KIAA1217: variants seen among roughly 807,000 people sequenced by gnomAD.
KIAA1217 encodes the protein KIAA1217, also known as sickle tail protein homolog.
A neutral mutation model predicts 163.9 loss-of-function variants in KIAA1217; 88 were observed. That is an observed-to-expected ratio of 0.54 (90% CI 0.45 to 0.64). The LOEUF is 0.64. Among genes scored for constraint, KIAA1217 ranks in the 30% least tolerant of loss-of-function variants. The pLI is 0.00. For missense variants in KIAA1217, 2,372 were observed against 2,475.0 expected, an observed-to-expected ratio of 0.96 and a Z score of 0.88; for synonymous variants, 903 against 923.1, an observed-to-expected ratio of 0.98 and a Z score of 0.39.
intron 2 of KIAA1217, among the ~76,000 whole-genome samples, chr10:24,033,562 G>C (rs1301636141): frequency 1.3e-5 from 2 of 152,166 alleles, no homozygotes; most frequent in Non-Finnish European, 2.9e-5. Flanking sequence ...CCCTCAATGT[G>C]ATATAATGTC....
chr10:24,424,844 G>T (rs2059053253), intron 3 of KIAA1217, among the ~76,000 whole-genome samples: 1 of 152,234 alleles, frequency 6.6e-6, no homozygotes, highest in African/African-American at 2.4e-5. Context: ...CTTGTGATCT[G>T]CCCACCTCGG....
chr10:24,425,728 G>A lies in KIAA1217; in HGVS notation c.554-7267G>A, dbSNP rs533281848. On this transcript the variant is annotated intron_variant, in intron 3 of 20. Transcript: ENST00000376454. Reference sequence around the variant, plus strand: ...TGAGTGTCTAGGTAAGGATGTCATTGTGCCTAAATGTGTAAAAGTTGAATT... The same window carrying A: ...TGAGTGTCTAGGTAAGGATGTCATTATGCCTAAATGTGTAAAAGTTGAATT... Among the ~76,000 whole-genome samples, 4 of 152,234 alleles carry A rather than the reference G, an allele frequency of 2.6e-5. 1 individual carries two copies. Among genetic ancestry groups the A allele is most frequent in the African/African-American group, 9.6e-5 (4 of 41,548 alleles).
At chr10:24,106,296 C>T (rs2062626494) in intron 2 of KIAA1217, among the ~76,000 whole-genome samples, 1 of 151,974 alleles carries the variant, frequency 6.6e-6, no homozygotes, top group South Asian at 2.1e-4. Flanking sequence ...GGAGACTAAC[C>T]AATGAGATAT....
intron 16 of KIAA1217, among the ~76,000 whole-genome samples, chr10:24,534,085 C>T (rs758741718): frequency 3.3e-5 from 5 of 152,166 alleles, no homozygotes; most frequent in Admixed American, 6.5e-5. Context: ...AGCTTTTTAC[C>T]GACGTACCAA....
At chr10:23,985,701 G>C (rs954259549) in intron 1 of KIAA1217, among the ~76,000 whole-genome samples, 1 of 152,150 alleles carries the variant, frequency 6.6e-6, no homozygotes, top group Non-Finnish European at 1.5e-5. Flanking sequence ...CAAGTATGTG[G>C]TTTTCTTGGT....
rs115350970 is a variant in KIAA1217 at position 24,541,706 on chromosome 10, T to C, written c.3535-987T>C. Reference sequence around the variant, plus strand: ...GATACACCTTGGGAAAGGCCAGGCCTCCAGGTGAAGCGCCTTGAATACCTG... The same window carrying C: ...GATACACCTTGGGAAAGGCCAGGCCCCCAGGTGAAGCGCCTTGAATACCTG... On this transcript the variant is annotated intron_variant, in intron 17 of 20. Transcript: ENST00000376454. Among the ~76,000 whole-genome samples the C allele has an allele frequency of 3.0e-3, 454 of 152,322 alleles. 3 individuals are homozygous for C. Among genetic ancestry groups the C allele is most frequent in the African/African-American group, 0.011 (440 of 41,566 alleles).
intron 2 of KIAA1217, among the ~76,000 whole-genome samples, chr10:24,078,335 A>AC (rs761273901): frequency 2.0e-5 from 3 of 152,148 alleles, no homozygotes. Context: ...TGCCCTGGTG[A>AC]CCTTGGGAAG....
At chr10:23,788,121 C>G (rs867931496) in intron 1 of KIAA1217, among the ~76,000 whole-genome samples, 2 of 152,120 alleles carry the variant, frequency 1.3e-5, no homozygotes, top group Admixed American at 6.5e-5. Flanking sequence ...CTGCTTGAGC[C>G]TGGGAGTTTG....
rs145634156 is a variant in KIAA1217, at chr10:24,027,515, C to A, written c.-171+20141C>A. On this transcript the variant is annotated intron_variant, in intron 2 of 18. Coordinates refer to the KIAA1217 transcript ENST00000376462. ...ATCATATACCAACAAACAGAAAATG[C>A]AACTTTAAAATGATGCCATTTACAG... is the stretch of plus-strand genomic sequence containing the variant. 8.7e-3 allele frequency among the ~76,000 whole-genome samples: 1,323 copies of A among 152,058 alleles called. 6 individuals carry two copies. The highest frequency in any genetic ancestry group is 0.014 in the Middle Eastern group (4 of 294).
At chr10:24,183,564 A>C (rs1460264376) in intron 2 of KIAA1217, among the ~76,000 whole-genome samples, 2 of 152,232 alleles carry the variant, frequency 1.3e-5, no homozygotes, top group Non-Finnish European at 2.9e-5. Context: ...TTTAAAACTA[A>C]ACATGAATGA....
intron 2 of KIAA1217, among the ~76,000 whole-genome samples, chr10:24,276,362 C>T (rs747584876): frequency 1.9e-4 from 29 of 152,170 alleles, no homozygotes; most frequent in East Asian, 5.8e-4. Context: ...AATTCCATCT[C>T]GTTCTGCCCG....
chr10:24,457,075 A>G (rs1157441361), intron 5 of KIAA1217, among the ~76,000 whole-genome samples: 1 of 152,112 alleles, frequency 6.6e-6, no homozygotes, highest in Non-Finnish European at 1.5e-5. Flanking sequence ...AGGAAACGTC[A>G]TCGAAATGGC....
chr10:23,809,058 G>A (rs577143721), intron 1 of KIAA1217, among the ~76,000 whole-genome samples: 13 of 152,040 alleles, frequency 8.6e-5, no homozygotes, highest in African/African-American at 2.9e-4. Flanking sequence ...CTATACCTAG[G>A]ATAAAATAAA....
chr10:24,524,165 A>G (rs1320601798), intron 12 of KIAA1217, among the ~76,000 whole-genome samples, 158 bp from the exon 13 acceptor site: 1 of 152,196 alleles, frequency 6.6e-6, no homozygotes, highest in Non-Finnish European at 1.5e-5. Flanking sequence ...GCACAACTGC[A>G]CCAGCAGAAA....
chr10:24,070,792 G>T (rs138355671), intron 2 of KIAA1217, among the ~76,000 whole-genome samples: 1 of 152,072 alleles, frequency 6.6e-6, no homozygotes, highest in African/African-American at 2.4e-5. Context: ...GTTGCGAAAA[G>T]GGGAAAAACT....
rs1189328118 is a variant in KIAA1217, at chr10:24,502,330, GA to G, written c.2001+792del. On this transcript the variant is annotated intron_variant, in intron 9 of 20. Coordinates refer to ENST00000376454, the MANE Select transcript of KIAA1217 (RefSeq NM_019590.5). ...TTAGAATAGAAGATGAATTCATAAG[GA>G]AAAAAAGCCATCATGGTGATTTGTT... Among the ~76,000 whole-genome samples the G allele has an allele frequency of 1.5e-4, 22 of 148,958 alleles. 1 individual carries two copies. The East Asian group carries it at 4.0e-3, about 27-fold the overall frequency.
intron 1 of KIAA1217, among the ~76,000 whole-genome samples, chr10:23,923,104 TC>T (rs1336901354): frequency 6.6e-6 from 1 of 151,936 alleles, no homozygotes; most frequent in African/African-American, 2.4e-5. Context: ...CTCCCAGCCT[TC>T]CCCCCGAGTC....
At chr10:24,376,246 C>T (rs1387266108) in intron 2 of KIAA1217, among the ~76,000 whole-genome samples, 1 of 152,136 alleles carries the variant, frequency 6.6e-6, no homozygotes, top group Non-Finnish European at 1.5e-5. Context: ...ATAAATAATT[C>T]GAAGGAAATC....
chr10:23,857,318 C>T (rs1018094934), intron 1 of KIAA1217, among the ~76,000 whole-genome samples: 2 of 152,068 alleles, frequency 1.3e-5, no homozygotes, highest in Admixed American at 1.3e-4. Flanking sequence ...AGCATCTTTT[C>T]AAATAGTGCT....
Sources: gnomAD v4.1 joint callset for allele counts (sites outside exome capture counted in the v4.1 genomes callset) on GRCh38, gnomAD v4.1.1 for gene constraint, MANE v1.5 for transcripts, NCBI Gene and HGNC (gene_info 2026-07-23, HGNC 2026-07-21) for gene names.